The following EIF4E3 variants were observed in gnomAD, a reference collection of about 807,000 sequenced individuals.
The protein encoded by EIF4E3 is eukaryotic translation initiation factor 4E family member 3.
Under a neutral mutation model 31.7 loss-of-function variants are expected in EIF4E3, and 26 were observed. The ratio of observed to expected loss-of-function variants is 0.82; its 90% CI spans 0.60 to 1.14. The LOEUF is 1.14. EIF4E3 is among the 50% of genes most tolerant of loss of function. EIF4E3 has a pLI of 0.00. For synonymous variants in EIF4E3, 128 were observed against 107.7 expected (o/e 1.19, Z -1.17); for missense variants, 304 against 270.9 (o/e 1.12, Z -0.86).
downstream of EIF4E3, among the ~76,000 whole-genome samples, chr3:71,673,804 T>C (rs2048858166): frequency 6.6e-6 from 1 of 151,630 alleles, no homozygotes; most frequent in Non-Finnish European, 1.5e-5. Flanking sequence ...CAAGAAATAT[T>C]TGTTGAATTA....
intron 2 of EIF4E3, among the ~76,000 whole-genome samples, 172 bp from the exon 3 acceptor site, chr3:71,699,880 C>T (rs1445146021): frequency 6.6e-6 from 1 of 152,100 alleles, no homozygotes; most frequent in Non-Finnish European, 1.5e-5. Flanking sequence ...TGTAATATAA[C>T]ATTAAAGAAT....
the EIF4E3 span, among the ~76,000 whole-genome samples, chr3:71,667,571 C>T: frequency 4.6e-5 from 7 of 152,184 alleles, no homozygotes; most frequent in Admixed American, 6.5e-5. Flanking sequence ...GATACAAAAT[C>T]GATGTGCAAA....
At chr3:71,724,783 G>A (rs1000661462) in intron 1 of EIF4E3, among the ~76,000 whole-genome samples, 7 of 152,200 alleles carry the variant, frequency 4.6e-5, no homozygotes, top group Non-Finnish European at 1.0e-4. Context: ...TGTCACAGCT[G>A]AGGTCGTGTC....
At chr3:71,663,730 C>T in the EIF4E3 span, among the ~76,000 whole-genome samples, 3 of 152,222 alleles carry the variant, frequency 2.0e-5, no homozygotes, top group East Asian at 5.8e-4. Flanking sequence ...GACTGTGGTT[C>T]GCCGCTCATG....
Position 71,678,018 on chromosome 3 carries a change from C to G in EIF4E3, c.*6664G>C, listed in dbSNP as rs533034150. 6.6e-6 allele frequency: 1 copy of G among 152,164 alleles called. No individual in the cohort carries two copies. The highest frequency in any genetic ancestry group is 1.9e-4 in the East Asian group (1 of 5,206). 9.4% of individuals were successfully genotyped at this position (152,164 alleles called of 1,614,324 possible). ...GTTCAACAGGGAAGTGTAAAAATAA[C>G]AACAGTTACTCCCCATCAGAATACC... On this transcript the variant is annotated 3_prime_UTR_variant, in exon 7 of 7. Transcript: ENST00000425534.
chr3:71,740,073 A>G (rs1040916212), intron 1 of EIF4E3, among the ~76,000 whole-genome samples: 1 of 152,064 alleles, frequency 6.6e-6, no homozygotes, highest in African/African-American at 2.4e-5. Flanking sequence ...AAGCACTAAA[A>G]TAACAAAGCA....
chr3:71,734,665 A>G lies in EIF4E3; in HGVS notation c.-290-6042T>C, dbSNP rs879289070. On this transcript the variant is annotated intron_variant, in intron 1 of 7. Transcript: ENST00000295612. ...AGGGCACAAGCCACCCATAAAGGCA[A>G]GATATAAATTAGCAGTGAAAAAAAC... Among the ~76,000 whole-genome samples, 27 of 152,292 alleles carry G rather than the reference A, an allele frequency of 1.8e-4. No individual in the cohort carries two copies. The Middle Eastern group carries it at 0.01, about 58-fold the overall frequency.
chr3:71,754,044 G>A, upstream of EIF4E3: 11 of 1,239,862 alleles, frequency 8.9e-6, no homozygotes, highest in Non-Finnish European at 1.1e-5. This position sits in a 1 kb window ranked among gnomAD's most constrained non-coding sequence, Gnocchi z 5.8. Flanking sequence ...GCCTGGTGAG[G>A]CCGCGATGGC....
chr3:71,699,200 C>T (rs914619408), intron 3 of EIF4E3, among the ~76,000 whole-genome samples: 8 of 152,094 alleles, frequency 5.3e-5, no homozygotes, highest in Non-Finnish European at 1.2e-4. Flanking sequence ...GCACTCCAGC[C>T]TTGGTGACAG....
At chr3:71,662,179 A>G in the EIF4E3 span, among the ~76,000 whole-genome samples, 1 of 152,224 alleles carries the variant, frequency 6.6e-6, no homozygotes, top group Non-Finnish European at 1.5e-5. Flanking sequence ...CTGTAAGGGC[A>G]AGGTGGAGGG....
At chr3:71,704,299 G>A (rs1165865806) in intron 2 of EIF4E3, among the ~76,000 whole-genome samples, 2 of 152,210 alleles carry the variant, frequency 1.3e-5, no homozygotes, top group African/African-American at 4.8e-5. Context: ...CTGAAAGGAT[G>A]GGAGAGAGCC....
At chr3:71,712,638 GC>G (rs1210877632) in intron 1 of EIF4E3, among the ~76,000 whole-genome samples, 2 of 111,280 alleles carry the variant, frequency 1.8e-5, no homozygotes, top group African/African-American at 3.6e-5. Flanking sequence ...CGGGGGGTGG[GC>G]GGGGGAGATT....
intron 1 of EIF4E3, among the ~76,000 whole-genome samples, chr3:71,721,769 T>C (rs760193205): frequency 1.3e-5 from 2 of 152,092 alleles, no homozygotes; most frequent in African/African-American, 2.4e-5. Context: ...ACCTCTTTCC[T>C]TTATAAGTTA....
At chr3:71,744,693 C>T (rs1257088832) in intron 1 of EIF4E3, among the ~76,000 whole-genome samples, 7 of 152,174 alleles carry the variant, frequency 4.6e-5, no homozygotes, top group South Asian at 4.1e-4. Context: ...TGCAGTGAGC[C>T]GAGACTGTGC....
chr3:71,669,492 A>C, the EIF4E3 span, among the ~76,000 whole-genome samples: 2 of 152,212 alleles, frequency 1.3e-5, no homozygotes, highest in South Asian at 4.1e-4. Flanking sequence ...TTTTTGAACT[A>C]AGTGTTTTGT....
intron 4 of EIF4E3, among the ~76,000 whole-genome samples, chr3:71,694,338 C>A (rs2049104606): frequency 6.6e-6 from 1 of 152,186 alleles, no homozygotes. Context: ...CTTCAAAATC[C>A]TTTCTCTGTT....
chr3:71,729,798 A>G (rs956028185), upstream of EIF4E3, among the ~76,000 whole-genome samples: 32 of 129,758 alleles, frequency 2.5e-4, no homozygotes, highest in South Asian at 1.2e-3. Context: ...TTCCAATAGA[A>G]TGTGTGTGTG....
At chr3:71,737,765 CAAAA>C (rs561825500) in intron 1 of EIF4E3, among the ~76,000 whole-genome samples, 44 of 151,170 alleles carry the variant, frequency 2.9e-4, no homozygotes, top group South Asian at 2.7e-3. Context: ...TCATCTCTAC[CAAAA>C]AACAAACAAA....
intron 3 of EIF4E3, 82 bp from the exon 4 acceptor site, chr3:71,696,602 T>C (rs1224437611): frequency 3.3e-6 from 5 of 1,522,558 alleles, no homozygotes; most frequent in Non-Finnish European, 4.5e-6. Flanking sequence ...TCTTCATACA[T>C]TTAGTTTAAC....
Sources: gnomAD v4.1 joint callset for allele counts (sites outside exome capture counted in the v4.1 genomes callset) on GRCh38, gnomAD v4.1.1 for gene constraint, Gnocchi (gnomAD v3.1) non-coding constraint, MANE v1.5 for transcripts, NCBI Gene and HGNC (gene_info 2026-07-23, HGNC 2026-07-21) for gene names.